Variants in CNTN3 observed in about 807,000 individuals in gnomAD.
CNTN3 encodes contactin 3.
Under a neutral mutation model 119.1 loss-of-function variants are expected in CNTN3, and 60 were observed. The ratio of observed to expected loss-of-function variants is 0.50; its 90% confidence interval spans 0.41 to 0.62. The LOEUF is 0.62. Among genes scored for constraint, CNTN3 ranks in the 20% least tolerant of loss-of-function variants. The pLI, the probability that CNTN3 is intolerant of heterozygous loss-of-function variation, is 0.00. For synonymous variants in CNTN3, 450 were observed against 438.7 expected, an observed-to-expected ratio of 1.03 and a Z score of -0.32; for missense variants, 1,101 against 1,242.4, an observed-to-expected ratio of 0.89 and a Z score of 1.71.
chr3:74,314,885 T>C (rs538010318), intron 13 of CNTN3, among the ~76,000 whole-genome samples: 7 of 152,242 alleles, frequency 4.6e-5, no homozygotes, highest in African/African-American at 1.4e-4. Context: ...GTCACAGCCA[T>C]AGTAAAATGA....
At chr3:74,333,392 C>T (rs1370415822) in intron 13 of CNTN3, among the ~76,000 whole-genome samples, 1 of 152,226 alleles carries the variant, frequency 6.6e-6, no homozygotes, top group African/African-American at 2.4e-5. Context: ...TGCAAAATCT[C>T]TAAGGGGAAA....
At chr3:74,338,405 T>A (rs1252121336) in intron 11 of CNTN3, among the ~76,000 whole-genome samples, 1 of 152,084 alleles carries the variant, frequency 6.6e-6, no homozygotes, top group African/African-American at 2.4e-5. Flanking sequence ...TGTATATATA[T>A]ACATATGTGT....
intron 4 of CNTN3, among the ~76,000 whole-genome samples, chr3:74,464,250 C>T (rs1702421553): frequency 2.0e-5 from 3 of 152,042 alleles, no homozygotes; most frequent in East Asian, 1.9e-4. Context: ...TTTATAATTA[C>T]AATAGCTCAA....
chr3:74,291,048 C>G lies in CNTN3; in HGVS notation c.2517+4073G>C, dbSNP rs186103126. Among the ~76,000 whole-genome samples, 1,137 of 152,148 alleles carry G rather than the reference C, an allele frequency of 7.5e-3. 11 individuals are homozygous for G. The highest frequency in any genetic ancestry group is 0.011 in the Non-Finnish European group (748 of 68,014). ...ATATCTCCAAATGCTATCCCTCCCC[C>G]CTTCCCCCACCTCATGACAGGCCCC... On this transcript the variant is annotated intron_variant, in intron 19 of 22. Coordinates refer to ENST00000263665, the MANE Select transcript of CNTN3 (RefSeq NM_020872.3).
intron 5 of CNTN3, among the ~76,000 whole-genome samples, chr3:74,410,321 A>C (rs1367968174): frequency 6.6e-6 from 1 of 152,164 alleles, no homozygotes; most frequent in Non-Finnish European, 1.5e-5. Flanking sequence ...CTAGCACTGG[A>C]TTAAGAAAAC....
chr3:74,589,070 C>A (rs1363041057), intron 1 of CNTN3, among the ~76,000 whole-genome samples: 56 of 150,858 alleles, frequency 3.7e-4, no homozygotes, highest in Non-Finnish European at 6.8e-4. Context: ...TCTAAAACAC[C>A]AAAAGCAATG....
chr3:74,338,392 G>C (rs927734536), intron 11 of CNTN3, among the ~76,000 whole-genome samples: 1 of 151,812 alleles, frequency 6.6e-6, no homozygotes, highest in Non-Finnish European at 1.5e-5. Flanking sequence ...ATATGTGTAT[G>C]TGTGTATATA....
At chr3:74,387,649 C>T (rs1559576318) in intron 5 of CNTN3, among the ~76,000 whole-genome samples, 1 of 152,160 alleles carries the variant, frequency 6.6e-6, no homozygotes, top group Non-Finnish European at 1.5e-5. Context: ...TTGCTATTTC[C>T]AAATGGGAAT....
intron 4 of CNTN3, among the ~76,000 whole-genome samples, chr3:74,458,201 A>G (rs2106966007): frequency 6.6e-6 from 1 of 152,164 alleles, no homozygotes; most frequent in Non-Finnish European, 1.5e-5. Flanking sequence ...TGCTGAAGAA[A>G]TATCTGGAAT....
chr3:74,317,362 G>T (rs1329487569), intron 13 of CNTN3, among the ~76,000 whole-genome samples: 4 of 151,998 alleles, frequency 2.6e-5, no homozygotes, highest in Non-Finnish European at 1.5e-5. Context: ...TGTTATGTGT[G>T]TATTTGGTCC....
chr3:74,460,638 C>T (rs1702347162), intron 4 of CNTN3, among the ~76,000 whole-genome samples: 1 of 151,344 alleles, frequency 6.6e-6, no homozygotes, highest in South Asian at 2.1e-4. Context: ...ATCTTGTATC[C>T]TGTGACCTTG....
chr3:74,571,657 C>T (rs984927073), intron 1 of CNTN3, among the ~76,000 whole-genome samples: 17 of 152,070 alleles, frequency 1.1e-4, no homozygotes, highest in Admixed American at 8.5e-4. Flanking sequence ...ACTACTACAA[C>T]AGGAAACTTG....
At chr3:74,313,854 T>G (rs187071628) in intron 13 of CNTN3, among the ~76,000 whole-genome samples, 3 of 152,218 alleles carry the variant, frequency 2.0e-5, no homozygotes, top group South Asian at 4.1e-4. Context: ...GGGAAAGACA[T>G]AGAAAGGGAA....
chr3:74,497,798 C>T (rs543703818), intron 3 of CNTN3, among the ~76,000 whole-genome samples: 16 of 151,716 alleles, frequency 1.1e-4, no homozygotes, highest in South Asian at 8.3e-4. Flanking sequence ...CATCCCAGGA[C>T]GTATAATAAA....
chr3:74,382,894 T>C (rs1283391125), intron 5 of CNTN3, among the ~76,000 whole-genome samples: 1 of 152,220 alleles, frequency 6.6e-6, no homozygotes, highest in African/African-American at 2.4e-5. Context: ...AGTTTTTACG[T>C]TGACCAATTG....
At chr3:74,510,071 T>A (rs1237735019) in intron 2 of CNTN3, among the ~76,000 whole-genome samples, 1 of 150,860 alleles carries the variant, frequency 6.6e-6, no homozygotes, top group Non-Finnish European at 1.5e-5. Context: ...GAAAACTTAG[T>A]AAATTAGCAA....
intron 1 of CNTN3, among the ~76,000 whole-genome samples, 131 bp downstream of exon 1, chr3:74,614,260 C>G (rs1436924324): frequency 1.3e-5 from 2 of 152,162 alleles, no homozygotes; most frequent in Non-Finnish European, 2.9e-5. Flanking sequence ...ATTCTCGACC[C>G]GTCAGGTGCA....
chr3:74,579,390 A>G (rs577171201), intron 1 of CNTN3, among the ~76,000 whole-genome samples: 13 of 152,010 alleles, frequency 8.6e-5, no homozygotes, highest in Admixed American at 8.5e-4. Flanking sequence ...CAGTAGAGAC[A>G]GAAAAGGCTT....
intron 11 of CNTN3, among the ~76,000 whole-genome samples, chr3:74,349,639 C>T (rs1703769965): frequency 6.6e-6 from 1 of 152,122 alleles, no homozygotes; most frequent in Non-Finnish European, 1.5e-5. Context: ...CTCCTTTTCC[C>T]CCATCTTAAA....
Sources: allele counts gnomAD v4.1 joint callset (sites outside exome capture counted in the v4.1 genomes callset), GRCh38; gene constraint gnomAD v4.1.1; transcripts MANE v1.5; gene names NCBI Gene and HGNC (gene_info 2026-07-23, HGNC 2026-07-21).